Variants in RIC3 observed in about 807,000 individuals in gnomAD.
The protein encoded by RIC3 is protein RIC-3.
RIC3 carries 28 observed loss-of-function variants against 27.3 expected under a neutral mutation model. The observed-to-expected ratio is 1.02, with a 90% CI of 0.76 to 1.41. RIC3 has a LOEUF of 1.41. Among genes scored for constraint, RIC3 ranks in the 40% most tolerant of loss-of-function variants. The pLI is 0.00. For synonymous variants in RIC3, 184 were observed against 160.4 expected (o/e 1.15, Z -1.11); for missense variants, 501 against 444.7 (o/e 1.13, Z -1.14).
chr11:8,124,758 G>C (rs1477954774), intron 5 of RIC3, among the ~76,000 whole-genome samples: 6 of 152,112 alleles, frequency 3.9e-5, no homozygotes, highest in African/African-American at 9.7e-5. Flanking sequence ...CAAATGTCAA[G>C]CTAATTAAAT....
chr11:8,093,357 C>G, the RIC3 span, among the ~76,000 whole-genome samples: 7 of 152,060 alleles, frequency 4.6e-5, no homozygotes, highest in East Asian at 9.7e-4. Context: ...CTCTTGGTGC[C>G]CCAGAGGTGG....
chr11:8,131,343 T>G (rs571038328), intron 4 of RIC3, among the ~76,000 whole-genome samples: 2 of 152,328 alleles, frequency 1.3e-5, no homozygotes, highest in South Asian at 4.1e-4. Flanking sequence ...GGATAACATC[T>G]AATTTCTGCT....
intron 1 of RIC3, among the ~76,000 whole-genome samples, chr11:8,166,066 G>A (rs1951670415): frequency 6.6e-6 from 1 of 152,160 alleles, no homozygotes; most frequent in African/African-American, 2.4e-5. Flanking sequence ...TGGGATTACA[G>A]GCATGAGCTG....
At chr11:8,094,056 C>T in the RIC3 span, 7 of 1,614,136 alleles carry the variant, frequency 4.3e-6, no homozygotes, top group East Asian at 4.5e-5. Flanking sequence ...TTCAAGAGGC[C>T]GACTCACTCG....
the RIC3 span, chr11:8,094,164 G>T: frequency 6.2e-7 from 1 of 1,613,628 alleles, no homozygotes; most frequent in Admixed American, 1.7e-5. Context: ...GCGCCGCTAG[G>T]AAGGAGAAGA....
chr11:8,105,862 A>C (rs1944571194), downstream of RIC3: 1 of 152,120 alleles, frequency 6.6e-6, no homozygotes, highest in Non-Finnish European at 1.5e-5. Flanking sequence ...AGTTTCCTAG[A>C]ACGCAACTTA....
chr11:8,093,460 A>G, the RIC3 span, among the ~76,000 whole-genome samples: 1 of 152,138 alleles, frequency 6.6e-6, no homozygotes, highest in Non-Finnish European at 1.5e-5. Flanking sequence ...TTTTGAGCAG[A>G]TTGGGGTTCT....
At chr11:8,149,112 G>A (rs766058250) in intron 1 of RIC3, among the ~76,000 whole-genome samples, 14 of 151,642 alleles carry the variant, frequency 9.2e-5, no homozygotes, top group Non-Finnish European at 1.6e-4. Flanking sequence ...AGAATGACAT[G>A]AATCCGGGAG....
At chr11:8,136,950 A>G (rs1355201021) in intron 4 of RIC3, among the ~76,000 whole-genome samples, 4 of 152,232 alleles carry the variant, frequency 2.6e-5, no homozygotes, top group African/African-American at 4.8e-5. Flanking sequence ...CATATTTACA[A>G]TTTAAAAACT....
At chr11:8,162,228 A>G (rs1418689235) in intron 1 of RIC3, among the ~76,000 whole-genome samples, 1 of 152,238 alleles carries the variant, frequency 6.6e-6, no homozygotes, top group Non-Finnish European at 1.5e-5. Context: ...ACCATACTGC[A>G]AGACATTTCT....
At chr11:8,124,890 A>G (rs1218387426) in intron 5 of RIC3, among the ~76,000 whole-genome samples, 2 of 152,212 alleles carry the variant, frequency 1.3e-5, no homozygotes, top group East Asian at 1.9e-4. Flanking sequence ...TGTAAAAGCT[A>G]AAACTGTAGA....
At chr11:8,098,814 A>T in the RIC3 span, 1 of 1,614,210 alleles carries the variant, frequency 6.2e-7, no homozygotes, top group East Asian at 2.2e-5. Flanking sequence ...AACCCTCAGA[A>T]GGCCTCATCC....
intron 2 of RIC3, chr11:8,139,665 A>G (rs72849320): frequency 0.11 from 11,106 of 104,782 alleles, 468 homozygotes; most frequent in Admixed American, 0.22. Context: ...TTTTTTTGGC[A>G]GGGGAGTGCA....
intron 1 of RIC3, among the ~76,000 whole-genome samples, chr11:8,160,111 T>C (rs542500550): frequency 6.6e-6 from 1 of 152,326 alleles, no homozygotes; most frequent in East Asian, 1.9e-4. Flanking sequence ...AAGGAAGTAT[T>C]GACTTTTTAG....
downstream of RIC3, chr11:8,101,715 T>C (rs1001438720): frequency 6.7e-7 from 1 of 1,485,930 alleles, no homozygotes; most frequent in Non-Finnish European, 9.0e-7. Flanking sequence ...ATATAGGCCT[T>C]CCGCCAGATG....
chr11:8,168,980 A>C lies in RIC3; in HGVS notation c.10T>G (p.Ser4Ala). The change falls in exon 1 of 6, where the codon TCC becomes GCC. Residue 4 changes from serine to alanine, a missense_variant. Ser to Ala is a moderately conservative substitution (Grantham distance 99). Coordinates refer to ENST00000309737, the MANE Select transcript of RIC3 (RefSeq NM_001206671.4). MAY[S>A]TVQRVALASG... ...GCCAGAGCGACTCTCTGCACTGTGG[A>C]GTACGCCATGACTGCTCACGGTGGT... is the stretch of plus-strand genomic sequence containing the variant. The C allele has an allele frequency of 6.3e-7, 1 of 1,597,484 alleles. No individual in the cohort carries two copies. The highest frequency in any genetic ancestry group is 8.5e-7 in the Non-Finnish European group (1 of 1,173,172).
chr11:8,138,357 G>T lies in RIC3; in HGVS notation c.352-10C>A. The T allele has an allele frequency of 1.3e-6, 2 of 1,588,836 alleles. No individual in the cohort carries two copies. Among genetic ancestry groups the T allele is most frequent in the Non-Finnish European group, 1.7e-6 (2 of 1,157,444 alleles). On this transcript the variant is annotated splice_polypyrimidine_tract_variant and intron_variant, in intron 2 of 5. Coordinates refer to ENST00000309737, the MANE Select transcript of RIC3 (RefSeq NM_001206671.4). ...TTTTCCCCTTTGAGAGCTGAGAATTGAAGGAGGTATAGCACATCAACAGCA... is the reference window on the plus strand; with the variant it reads ...TTTTCCCCTTTGAGAGCTGAGAATTTAAGGAGGTATAGCACATCAACAGCA...
Position 8,144,149 on chromosome 11 carries a change from C to T in RIC3, c.125-3956G>A, listed in dbSNP as rs183469012. On this transcript the variant is annotated intron_variant, in intron 1 of 5. Coordinates refer to ENST00000309737, the MANE Select transcript of RIC3 (RefSeq NM_001206671.4). ...GACTTCATGTCCAGAACACCAAAAG[C>T]GATGGCAACAAAAGACAAAATTGTC... Among the ~76,000 whole-genome samples, 185 of 152,256 alleles carry T rather than the reference C, an allele frequency of 1.2e-3. 2 individuals carry two copies. The highest frequency in any genetic ancestry group is 4.3e-3 in the African/African-American group (178 of 41,520).
chr11:8,110,644 G>A lies in RIC3; in HGVS notation c.*54C>T. ...GCACAGGGCCAAGAAGGAAATCTGA[G>A]GAGAGAGAGGTCACCTTGGGACTTG... On this transcript the variant is annotated 3_prime_UTR_variant, in exon 6 of 6. Coordinates refer to ENST00000309737, the MANE Select transcript of RIC3 (RefSeq NM_001206671.4). 1 of 1,505,864 alleles carries A rather than the reference G, an allele frequency of 6.6e-7. No homozygotes were observed. The highest frequency in any genetic ancestry group is 9.2e-7 in the Non-Finnish European group (1 of 1,083,098). The allele number at this position is 1,505,864 out of a possible 1,614,324, so 93.3% of individuals were successfully genotyped here.
Sources: gnomAD v4.1 joint callset for allele counts (sites outside exome capture counted in the v4.1 genomes callset) on GRCh38, gnomAD v4.1.1 for gene constraint, MANE v1.5 for transcripts, NCBI Gene and HGNC (gene_info 2026-07-23, HGNC 2026-07-21) for gene names.